The following IQCK variants were observed in gnomAD, a reference collection of about 807,000 sequenced individuals.
IQCK encodes the protein IQ domain-containing protein K.
A neutral mutation model predicts 28.1 loss-of-function variants in IQCK; 29 were observed. The ratio of observed to expected loss-of-function variants is 1.03; its 90% CI spans 0.77 to 1.41. IQCK has a LOEUF of 1.41. Among genes scored for constraint, IQCK ranks in the 40% most tolerant of loss-of-function variants. IQCK has a pLI of 0.00. For missense variants in IQCK, 359 were observed against 314.7 expected, an observed-to-expected ratio of 1.14 and a Z score of -1.07; for synonymous variants, 113 against 115.1, an observed-to-expected ratio of 0.98 and a Z score of 0.12.
chr16:19,751,022 C>T (rs570015441), intron 4 of IQCK, among the ~76,000 whole-genome samples: 1 of 152,108 alleles, frequency 6.6e-6, no homozygotes, highest in Non-Finnish European at 1.5e-5. Flanking sequence ...GCTTGAATCT[C>T]TCCTTCAGCT....
chr16:19,786,830 GA>G (rs1316656153), intron 6 of IQCK, among the ~76,000 whole-genome samples: 1 of 77,668 alleles, frequency 1.3e-5, no homozygotes, highest in Non-Finnish European at 2.1e-5. Context: ...GGGAGGGAGG[GA>G]GGGGGGATGG....
In IQCK at chr16:19,823,865, G is replaced by A. The variant is rs1163741065; in HGVS notation, c.691-3161G>A. 3.3e-5 allele frequency among the ~76,000 whole-genome samples: 5 copies of A among 152,182 alleles called. 1 individual carries two copies. Among genetic ancestry groups the A allele is most frequent in the Non-Finnish European group, 7.4e-5 (5 of 68,022 alleles). The stretch of plus-strand genomic sequence containing the variant: ...GCAGAATTGCTTCAACCCAGGAGGC[G>A]GAGGTTGCAGTGAGGTGAGATCACA... On this transcript the variant is annotated intron_variant, in intron 7 of 7. Transcript: ENST00000564186.
chr16:19,743,962 T>C (rs568906493), intron 4 of IQCK, among the ~76,000 whole-genome samples: 171 of 152,210 alleles, frequency 1.1e-3, no homozygotes, highest in African/African-American at 3.9e-3. Context: ...TACACACACA[T>C]CTATTGTGTG....
intron 6 of IQCK, among the ~76,000 whole-genome samples, chr16:19,783,422 G>A (rs565503068): frequency 5.3e-5 from 8 of 152,234 alleles, no homozygotes; most frequent in South Asian, 4.1e-4. Context: ...TATCGTGCCC[G>A]TCTGAACATG....
intron 1 of IQCK, among the ~76,000 whole-genome samples, chr16:19,721,134 A>G (rs1052468669): frequency 2.0e-5 from 3 of 152,336 alleles, no homozygotes; most frequent in East Asian, 1.9e-4. Flanking sequence ...GCAGTTTTCT[A>G]TAACATGTAG....
rs1163809152 is a variant in IQCK, at chr16:19,746,153, CAAAAAAAAAAA to C, written c.474+10713_474+10723del. Among the ~76,000 whole-genome samples, 31 of 57,966 alleles carry C rather than the reference CAAAAAAAAAAA, an allele frequency of 5.3e-4. 1 individual carries two copies. In the East Asian group the frequency reaches 9.8e-3, roughly 18 times the overall value. The allele number at this position is 57,966 out of a possible 152,430, so 38.0% of individuals were successfully genotyped here. On this transcript the variant is annotated intron_variant, in intron 4 of 7. Transcript: ENST00000564186. ...TGGGGGACAGAGTGAGACTATGTCT[CAAAAAAAAAAA>C]AAAAAAAAAGAGTCTAGCTTCATTT...
chr16:19,726,687 T>G (rs192448067), intron 1 of IQCK, among the ~76,000 whole-genome samples: 1 of 152,204 alleles, frequency 6.6e-6, no homozygotes. Flanking sequence ...ACAATAGATA[T>G]AAATGAATGA....
chr16:19,798,492 G>A (rs1328168652), intron 7 of IQCK, among the ~76,000 whole-genome samples: 1 of 102,222 alleles, frequency 9.8e-6, no homozygotes, highest in Admixed American at 8.9e-5. Flanking sequence ...TTTTCAGTAT[G>A]AAAATATGCA....
intron 7 of IQCK, among the ~76,000 whole-genome samples, chr16:19,810,034 T>C (rs944680908): frequency 3.3e-5 from 5 of 152,176 alleles, no homozygotes; most frequent in African/African-American, 9.6e-5. Context: ...GTGGTACGAC[T>C]CAGCCTTCAG....
At chr16:19,751,974 A>G (rs1401452033) in intron 4 of IQCK, among the ~76,000 whole-genome samples, 1 of 152,230 alleles carries the variant, frequency 6.6e-6, no homozygotes, top group African/African-American at 2.4e-5. Flanking sequence ...GCAGGAAATC[A>G]ACTGTGCAAT....
intron 7 of IQCK, among the ~76,000 whole-genome samples, chr16:19,824,430 T>TCG (rs1226935499): frequency 1.3e-5 from 2 of 152,170 alleles, no homozygotes; most frequent in African/African-American, 4.8e-5. Context: ...CCCTGCTCAC[T>TCG]CGCCACTCAC....
At chr16:19,785,999 G>A (rs1597558821) in intron 6 of IQCK, among the ~76,000 whole-genome samples, 1 of 152,142 alleles carries the variant, frequency 6.6e-6, no homozygotes, top group South Asian at 2.1e-4. Flanking sequence ...CCGCAGGGCC[G>A]GAGCATGAGG....
intron 9 of IQCK, among the ~76,000 whole-genome samples, chr16:19,849,228 C>T (rs944238266): frequency 2.7e-5 from 4 of 150,472 alleles, no homozygotes; most frequent in Non-Finnish European, 2.9e-5. Context: ...AAAAATTCAG[C>T]AGTTTCCTTT....
At chr16:19,748,215 C>A (rs2054939328) in intron 4 of IQCK, among the ~76,000 whole-genome samples, 1 of 151,646 alleles carries the variant, frequency 6.6e-6, no homozygotes, top group Admixed American at 6.6e-5. Context: ...GCTGGGATTA[C>A]AGGTGTGTGC....
At chr16:19,749,331 C>T (rs554916927) in intron 4 of IQCK, among the ~76,000 whole-genome samples, 2 of 152,320 alleles carry the variant, frequency 1.3e-5, no homozygotes, top group East Asian at 3.9e-4. Context: ...AGGTCAGCTA[C>T]CTGTTTTTGT....
chr16:19,780,247 G>A (rs2055460713), intron 6 of IQCK, among the ~76,000 whole-genome samples: 1 of 151,506 alleles, frequency 6.6e-6, no homozygotes. Context: ...TCACTATGTT[G>A]GCCAGGCTGG....
At chr16:19,776,622 T>C (rs914430523) in intron 6 of IQCK, among the ~76,000 whole-genome samples, 7 of 152,154 alleles carry the variant, frequency 4.6e-5, no homozygotes, top group Middle Eastern at 3.2e-3. Context: ...GGCAGCAGAA[T>C]TGCCGGAACC....
At chr16:19,779,443 C>G (rs913192657) in intron 6 of IQCK, among the ~76,000 whole-genome samples, 1 of 152,110 alleles carries the variant, frequency 6.6e-6, no homozygotes, top group African/African-American at 2.4e-5. Flanking sequence ...TAACAGTTCT[C>G]TTTTGAAAAT....
At chr16:19,790,499 T>A (rs1181165274) in intron 7 of IQCK, among the ~76,000 whole-genome samples, 1 of 114,566 alleles carries the variant, frequency 8.7e-6, no homozygotes, top group Non-Finnish European at 1.5e-5. Context: ...CCAGTGGATT[T>A]CCATAGAGGC....
Sources: allele counts gnomAD v4.1 joint callset (sites outside exome capture counted in the v4.1 genomes callset), GRCh38; gene constraint gnomAD v4.1.1; transcripts MANE v1.5; gene names NCBI Gene and HGNC (gene_info 2026-07-23, HGNC 2026-07-21).